RERG: variants seen among roughly 807,000 people sequenced by gnomAD.
RERG encodes ras-related and estrogen-regulated growth inhibitor.
In RERG, 25 loss-of-function variants were observed where a neutral mutation model predicts 23.2. That is an observed-to-expected ratio of 1.08 (90% CI 0.79 to 1.50). The LOEUF is 1.50. Ranked by LOEUF, RERG falls within the 40% of genes most tolerant of loss-of-function variation. RERG has a pLI of 0.00. For synonymous variants in RERG, 81 were observed against 89.1 expected (o/e 0.91, Z 0.51); for missense variants, 253 against 250.1 (o/e 1.01, Z -0.08).
intron 2 of RERG, among the ~76,000 whole-genome samples, chr12:15,161,620 T>C (rs1168914585): frequency 6.6e-6 from 1 of 152,208 alleles, no homozygotes; most frequent in Non-Finnish European, 1.5e-5. Flanking sequence ...ATTCACTTGA[T>C]TGATTATTTA....
intron 3 of RERG, among the ~76,000 whole-genome samples, chr12:15,119,864 T>C (rs550279971): frequency 6.6e-6 from 1 of 152,334 alleles, no homozygotes; most frequent in South Asian, 2.1e-4. Context: ...AAACTTGATC[T>C]GGAAAAATCA....
rs1010142755 is a variant in RERG at position 15,109,039 on chromosome 12, G to C, written c.*71C>G. ...ATCCAAACAAAGAATGCAATATTTTGTTTTATTTTTGAAAGGGGAACAGAA... is the reference window on the plus strand; with the variant it reads ...ATCCAAACAAAGAATGCAATATTTTCTTTTATTTTTGAAAGGGGAACAGAA... On this transcript the variant is annotated 3_prime_UTR_variant, in exon 5 of 5. Transcript: ENST00000256953. 3.1e-5 allele frequency: 43 copies of C among 1,370,880 alleles called. No homozygotes were observed. The highest frequency in any genetic ancestry group is 1.4e-4 in the Admixed American group (6 of 41,716). The allele number at this position is 1,370,880 out of a possible 1,614,324, so 84.9% of individuals were successfully genotyped here. A position where few individuals can be genotyped will look rare whatever the true frequency, so the allele number is the denominator to read the frequency against.
chr12:15,137,138 AAC>A, intron 2 of RERG, among the ~76,000 whole-genome samples: 1 of 151,968 alleles, frequency 6.6e-6, no homozygotes, highest in African/African-American at 2.4e-5. Flanking sequence ...TTGGATAATT[AAC>A]CCTTTTATCA....
Position 15,117,032 on chromosome 12 carries a change from A to C in RERG, c.118+4031T>G, listed in dbSNP as rs192030828. 2.0e-4 allele frequency among the ~76,000 whole-genome samples: 30 copies of C among 152,278 alleles called. No homozygotes were observed. In the East Asian group the frequency reaches 5.8e-3, roughly 29 times the overall value. ...TTTCACTGTGAGAGATGTATAATTT[A>C]AAATCTGCACTCACTAGTAGTTTAA... is the stretch of plus-strand genomic sequence containing the variant. On this transcript the variant is annotated intron_variant, in intron 3 of 4. Transcript: ENST00000256953.
At chr12:15,158,224 C>T (rs1263750676) in intron 2 of RERG, among the ~76,000 whole-genome samples, 1 of 152,016 alleles carries the variant, frequency 6.6e-6, no homozygotes, top group Non-Finnish European at 1.5e-5. Context: ...CTGAACATAG[C>T]ATTTAGTTGT....
intron 2 of RERG, among the ~76,000 whole-genome samples, chr12:15,158,734 G>A (rs1864559872): frequency 6.6e-6 from 1 of 152,244 alleles, no homozygotes; most frequent in East Asian, 1.9e-4. Flanking sequence ...GTATTTTGGG[G>A]CAGAAATGCT....
intron 2 of RERG, among the ~76,000 whole-genome samples, chr12:15,172,964 TAAAA>T (rs1864797118): frequency 6.6e-6 from 1 of 152,084 alleles, no homozygotes; most frequent in African/African-American, 2.4e-5. Flanking sequence ...CTTTAATGCA[TAAAA>T]AGTTTCCAGT....
At chr12:15,195,180 G>C (rs929100136) in intron 2 of RERG, among the ~76,000 whole-genome samples, 1 of 152,048 alleles carries the variant, frequency 6.6e-6, no homozygotes, top group Admixed American at 6.6e-5. Context: ...GATAGCCCAC[G>C]AGATATGATG....
chr12:15,219,880 C>T (rs1591675749), intron 1 of RERG, among the ~76,000 whole-genome samples: 1 of 151,998 alleles, frequency 6.6e-6, no homozygotes, highest in East Asian at 1.9e-4. Context: ...CCCAAATGGC[C>T]CCAGAGGCAT....
intron 2 of RERG, chr12:15,137,882 G>T: frequency 2.2e-6 from 1 of 444,730 alleles, no homozygotes; most frequent in Non-Finnish European, 4.5e-6. Flanking sequence ...GTACAATCCA[G>T]TTTCTGAGAT....
intron 2 of RERG, among the ~76,000 whole-genome samples, chr12:15,180,523 G>C (rs958834581): frequency 1.3e-5 from 2 of 152,126 alleles, no homozygotes; most frequent in Non-Finnish European, 2.9e-5. Context: ...AGTAGCTCTG[G>C]AGACTGTAGC....
At chr12:15,176,750 A>G (rs1864856698) in intron 2 of RERG, among the ~76,000 whole-genome samples, 1 of 152,068 alleles carries the variant, frequency 6.6e-6, no homozygotes, top group Non-Finnish European at 1.5e-5. Context: ...TTTACTTGTT[A>G]TTTTATTTTG....
At chr12:15,180,633 C>T (rs1479874818) in intron 2 of RERG, among the ~76,000 whole-genome samples, 1 of 152,202 alleles carries the variant, frequency 6.6e-6, no homozygotes, top group Non-Finnish European at 1.5e-5. Context: ...GATGGAAGTG[C>T]ACTGGCTGAA....
Position 15,109,096 on chromosome 12 carries a change from C to A in RERG, c.*14G>T. On this transcript the variant is annotated 3_prime_UTR_variant, in exon 5 of 5. Transcript: ENST00000256953. The stretch of plus-strand genomic sequence containing the variant: ...GAGTGTTTCCAATTAGTTGGTCCAC[C>A]TCAGCTGGGCTGCCTAACTACTGAT... 6.4e-7 allele frequency: 1 copy of A among 1,553,644 alleles called. No homozygotes were observed. Among genetic ancestry groups the A allele is most frequent in the Admixed American group, 1.9e-5 (1 of 51,502 alleles).
At chr12:15,185,108 A>G (rs1004195074) in intron 2 of RERG, among the ~76,000 whole-genome samples, 4 of 152,186 alleles carry the variant, frequency 2.6e-5, no homozygotes, top group African/African-American at 9.6e-5. Context: ...GGCTATGTTT[A>G]TATTAAATAA....
chr12:15,219,879 C>T (rs1030270260), intron 1 of RERG, among the ~76,000 whole-genome samples: 1 of 152,096 alleles, frequency 6.6e-6, no homozygotes, highest in African/African-American at 2.4e-5. Context: ...TCCCAAATGG[C>T]CCCAGAGGCA....
chr12:15,131,661 CCATCTGG>C (rs1029358150), intron 2 of RERG, among the ~76,000 whole-genome samples: 5 of 151,978 alleles, frequency 3.3e-5, no homozygotes, highest in Admixed American at 6.5e-5. Flanking sequence ...GAGGTTTATG[CCATCTGG>C]CATAAACCTC....
At chr12:15,166,892 G>A (rs1432032056) in intron 2 of RERG, among the ~76,000 whole-genome samples, 1 of 150,080 alleles carries the variant, frequency 6.7e-6, no homozygotes, top group Non-Finnish European at 1.5e-5. Flanking sequence ...GGGTACATGT[G>A]CACATTGTGC....
In RERG at chr12:15,137,248, A is replaced by T. The variant is rs545568173; in HGVS notation, c.62-16129T>A. Reference sequence around the variant, plus strand: ...CTATTCCAGTTTTCTTTTTATTGACATTATCACATTTGTCTATCCCTTTAC... The same window carrying T: ...CTATTCCAGTTTTCTTTTTATTGACTTTATCACATTTGTCTATCCCTTTAC... On this transcript the variant is annotated intron_variant, in intron 2 of 4. Coordinates refer to ENST00000256953, the MANE Select transcript of RERG (RefSeq NM_032918.3). Among the ~76,000 whole-genome samples, 11 of 151,728 alleles carry T rather than the reference A, an allele frequency of 7.2e-5. No individual in the cohort carries two copies. In the South Asian group the frequency reaches 2.3e-3, roughly 31 times the overall value.
Sources: allele counts gnomAD v4.1 joint callset (sites outside exome capture counted in the v4.1 genomes callset), GRCh38; gene constraint gnomAD v4.1.1; transcripts MANE v1.5; gene names NCBI Gene and HGNC (gene_info 2026-07-23, HGNC 2026-07-21).